PHLPP1: variants seen among roughly 807,000 people sequenced by gnomAD.
PHLPP1 encodes the protein PH domain leucine-rich repeat-containing protein phosphatase 1.
In PHLPP1, 42 loss-of-function variants were observed where a neutral mutation model predicts 117.2. That is an observed-to-expected ratio of 0.36 (90% confidence interval 0.28 to 0.46). The LOEUF (loss-of-function observed/expected upper bound fraction) is 0.46, where lower values mean the gene tolerates loss of function less well. Ranked by LOEUF, PHLPP1 falls within the 20% of genes least tolerant of loss-of-function variation. PHLPP1 has a pLI of 1.00. For synonymous variants in PHLPP1, 1,042 were observed against 970.7 expected (o/e 1.07, Z -1.37); for missense variants, 2,084 against 2,241.9 (o/e 0.93, Z 1.42).
chr18:62,827,753 A>G (rs1042321851), intron 1 of PHLPP1, among the ~76,000 whole-genome samples: 1 of 152,248 alleles, frequency 6.6e-6, no homozygotes, highest in Non-Finnish European at 1.5e-5. Context: ...ATAAAGAGCC[A>G]GTATCTACTG....
At chr18:62,741,692 G>A (rs1297232636) in intron 1 of PHLPP1, among the ~76,000 whole-genome samples, 2 of 150,574 alleles carry the variant, frequency 1.3e-5, no homozygotes, top group Non-Finnish European at 3.0e-5. Flanking sequence ...ATTGTTATGT[G>A]TGCCACGAGG....
chr18:62,861,328 T>G (rs1419479586), intron 4 of PHLPP1, among the ~76,000 whole-genome samples: 1 of 152,188 alleles, frequency 6.6e-6, no homozygotes, highest in African/African-American at 2.4e-5. Flanking sequence ...GGTCTTGAAC[T>G]CCTAACCTCA....
chr18:62,871,030 G>A (rs562185), intron 4 of PHLPP1, among the ~76,000 whole-genome samples: 79,962 of 151,870 alleles, frequency 0.53, 21,401 homozygotes, highest in African/African-American at 0.6. Context: ...TATTAATAGT[G>A]CTTCATTTAT....
intron 3 of PHLPP1, among the ~76,000 whole-genome samples, chr18:62,857,854 C>T (rs1204053215): frequency 6.6e-6 from 1 of 152,150 alleles, no homozygotes; most frequent in Non-Finnish European, 1.5e-5. Context: ...AAAAGGCCTG[C>T]CACACACCAT....
intron 7 of PHLPP1, among the ~76,000 whole-genome samples, chr18:62,903,610 G>C (rs1348834989): frequency 6.6e-6 from 1 of 151,762 alleles, no homozygotes; most frequent in Non-Finnish European, 1.5e-5. Context: ...ATATAAACCA[G>C]AATGTTAGCT....
At chr18:62,887,988 C>T (rs139785940) in intron 4 of PHLPP1, among the ~76,000 whole-genome samples, 36 of 152,264 alleles carry the variant, frequency 2.4e-4, no homozygotes, top group African/African-American at 7.7e-4. Flanking sequence ...AGTCCTCCCT[C>T]CTTTGTTTGC....
At chr18:62,902,884 C>T (rs556825742) in intron 6 of PHLPP1, 80 bp from the exon 7 acceptor site, 7 of 832,098 alleles carry the variant, frequency 8.4e-6, no homozygotes, top group Non-Finnish European at 1.4e-5. Context: ...AGTTCTTTCT[C>T]GCTATTTCTC....
At chr18:62,827,611 T>G (rs1184187280) in intron 1 of PHLPP1, among the ~76,000 whole-genome samples, 1 of 152,170 alleles carries the variant, frequency 6.6e-6, no homozygotes, top group African/African-American at 2.4e-5. Context: ...ATAGGGACAT[T>G]GAAGTTCATT....
chr18:62,778,119 C>T (rs1410760798), intron 1 of PHLPP1, among the ~76,000 whole-genome samples: 1 of 152,144 alleles, frequency 6.6e-6, no homozygotes, highest in Admixed American at 6.5e-5. Context: ...GCCATAACTT[C>T]TGTTATTATA....
chr18:62,882,270 ATT>A (rs754386808), intron 4 of PHLPP1, among the ~76,000 whole-genome samples: 13 of 137,684 alleles, frequency 9.4e-5, no homozygotes, highest in Non-Finnish European at 9.5e-5. Flanking sequence ...TCACTTAACT[ATT>A]TTTTTTTTTT....
chr18:62,897,694 A>G (rs986967894), intron 6 of PHLPP1, among the ~76,000 whole-genome samples: 3 of 152,048 alleles, frequency 2.0e-5, no homozygotes, highest in African/African-American at 4.8e-5. Context: ...TTTACTGAAG[A>G]CAGGGGTTCA....
chr18:62,763,672 TG>T (rs1300484032), intron 1 of PHLPP1, among the ~76,000 whole-genome samples: 1 of 152,194 alleles, frequency 6.6e-6, no homozygotes, highest in African/African-American at 2.4e-5. Context: ...CAGTCCATGG[TG>T]CTGTGACACT....
chr18:62,717,089 C>T lies in PHLPP1; in HGVS notation c.1406C>T (p.Pro469Leu), dbSNP rs1315486248. 1.9e-6 allele frequency: 3 copies of T among 1,552,828 alleles called. No individual in the cohort carries two copies. The highest frequency in any genetic ancestry group is 2.4e-5 in the South Asian group (2 of 84,334). ...AEKAPPPPPP[P>L]TLYVQLHGET... ...AAGGCGCCTCCGCCGCCCCCGCCGCCCACCCTGTACGTGCAGCTCCACGGA... is the reference window on the plus strand; with the variant it reads ...AAGGCGCCTCCGCCGCCCCCGCCGCTCACCCTGTACGTGCAGCTCCACGGA... Residue 469 changes from proline (P) to leucine (L), a missense_variant, in exon 1 of 17, where the codon CCC becomes CTC. Physicochemically the swap from Pro to Leu is moderately conservative, Grantham distance 98. Around this residue, in one of 2 missense-constraint regions of PHLPP1, gnomAD observed 1,365 missense variants for 1,605.9 expected, o/e 0.85. Coordinates refer to ENST00000262719, the MANE Select transcript of PHLPP1 (RefSeq NM_194449.4).
At chr18:62,790,661 A>G (rs1034382550) in intron 1 of PHLPP1, among the ~76,000 whole-genome samples, 1 of 152,136 alleles carries the variant, frequency 6.6e-6, no homozygotes, top group African/African-American at 2.4e-5. Flanking sequence ...AAGTGGAACA[A>G]ATGAAGGTAC....
At chr18:62,765,895 G>A (rs1265243999) in intron 1 of PHLPP1, among the ~76,000 whole-genome samples, 10 of 150,002 alleles carry the variant, frequency 6.7e-5, no homozygotes. Flanking sequence ...CTACTCGGGA[G>A]GCTGAGGCAG....
intron 1 of PHLPP1, among the ~76,000 whole-genome samples, chr18:62,812,378 C>T (rs954408472): frequency 5.3e-5 from 8 of 152,184 alleles, no homozygotes; most frequent in African/African-American, 1.9e-4. Flanking sequence ...AGCTGTCTAG[C>T]GTCATCATCC....
intron 1 of PHLPP1, among the ~76,000 whole-genome samples, chr18:62,784,700 A>T (rs1913226202): frequency 6.6e-6 from 1 of 152,248 alleles, no homozygotes. Context: ...CATTTCATTT[A>T]GTCCTAATTG....
At chr18:62,914,279 T>A (rs1917040764) in intron 8 of PHLPP1, among the ~76,000 whole-genome samples, 1 of 152,162 alleles carries the variant, frequency 6.6e-6, no homozygotes, top group Non-Finnish European at 1.5e-5. Context: ...TGATATGCCA[T>A]TGACTTCGTG....
rs776594896 is a variant in PHLPP1 at position 62,963,394 on chromosome 18, A to G, written c.3482A>G (p.Gln1161Arg). The G allele has an allele frequency of 3.7e-6, 6 of 1,613,160 alleles. No homozygotes were observed. The Admixed American group carries it at 1.0e-4, about 27-fold the overall frequency. Residue 1161 changes from glutamine to arginine, a missense_variant, in exon 14 of 17, where the codon CAG becomes CGG. By Grantham distance (43) the Gln-to-Arg change is conservative. Coordinates refer to ENST00000262719, the MANE Select transcript of PHLPP1 (RefSeq NM_194449.4). ...LNNIRCFKID[Q>R]PSTGDASGAP... ...AATATCCGCTGTTTCAAGATTGATC[A>G]GCCTTCTACAGGAGACGCTTCCGGA...
Sources: gnomAD v4.1 joint callset for allele counts (sites outside exome capture counted in the v4.1 genomes callset) on GRCh38, gnomAD v4.1.1 for gene constraint, gnomAD v4.1.1 regional missense constraint, MANE v1.5 for transcripts, NCBI Gene and HGNC (gene_info 2026-07-23, HGNC 2026-07-21) for gene names.